Variants in SLC35F3 observed in about 807,000 individuals in gnomAD.
SLC35F3 encodes the protein solute carrier family 35 member F3.
A neutral mutation model predicts 49.9 loss-of-function variants in SLC35F3; 25 were observed. That is an observed-to-expected ratio of 0.50 (90% CI 0.37 to 0.70). SLC35F3 has a LOEUF of 0.70. SLC35F3 is among the 30% of genes least tolerant of loss of function. The pLI is 0.00. For missense variants in SLC35F3, 525 were observed against 639.8 expected (o/e 0.82, Z 1.94); for synonymous variants, 275 against 265.4 (o/e 1.04, Z -0.35).
intron 2 of SLC35F3, among the ~76,000 whole-genome samples, chr1:233,930,123 T>C (rs1232119558): frequency 6.7e-6 from 1 of 149,512 alleles, no homozygotes; most frequent in Non-Finnish European, 1.5e-5. Flanking sequence ...TACTCCAGCC[T>C]GGCTGCCAGA....
At chr1:234,089,359 G>A (rs1665007937) in intron 2 of SLC35F3, among the ~76,000 whole-genome samples, 1 of 152,186 alleles carries the variant, frequency 6.6e-6, no homozygotes, top group African/African-American at 2.4e-5. Flanking sequence ...TAGGAAAATG[G>A]AGAGAGAACC....
intron 1 of SLC35F3, 82 bp from the exon 2 acceptor site, chr1:233,905,447 G>A: frequency 9.3e-7 from 1 of 1,074,868 alleles, no homozygotes; most frequent in South Asian, 1.6e-5. Flanking sequence ...CTCTCGCCCT[G>A]GGATCTGCTC....
intron 2 of SLC35F3, among the ~76,000 whole-genome samples, chr1:233,952,936 A>G (rs1016797652): frequency 6.6e-6 from 1 of 152,104 alleles, no homozygotes; most frequent in Non-Finnish European, 1.5e-5. Flanking sequence ...GAGGGAGAAA[A>G]TATTGATTTT....
chr1:234,017,957 TG>T (rs998733454), intron 2 of SLC35F3, among the ~76,000 whole-genome samples: 33 of 151,508 alleles, frequency 2.2e-4, no homozygotes, highest in Non-Finnish European at 2.9e-5. Flanking sequence ...CCACTCAATT[TG>T]GGGGGTGTTT....
rs34405897 is a variant in SLC35F3 at position 234,286,125 on chromosome 1, GT to G, written c.609-22972del. On this transcript the variant is annotated intron_variant, in intron 3 of 7. Transcript: ENST00000366618. ...GGATCCCAAAAGGTCTGATAATAAC[GT>G]TTTAAGATAGGTGTTATTATCTCCA... Among the ~76,000 whole-genome samples, 581 of 152,286 alleles carry G rather than the reference GT, an allele frequency of 3.8e-3. 8 individuals carry two copies. The highest frequency in any genetic ancestry group is 0.014 in the African/African-American group (565 of 41,562).
intron 2 of SLC35F3, among the ~76,000 whole-genome samples, chr1:234,109,371 T>C (rs1263636139): frequency 6.6e-6 from 1 of 152,168 alleles, no homozygotes; most frequent in Non-Finnish European, 1.5e-5. Flanking sequence ...CAAGTGAAGA[T>C]GAGAGTCTCA....
At chr1:234,227,948 T>A (rs971892339) in intron 2 of SLC35F3, among the ~76,000 whole-genome samples, 1 of 152,210 alleles carries the variant, frequency 6.6e-6, no homozygotes, top group Non-Finnish European at 1.5e-5. Context: ...TTTGTTGCAT[T>A]TCCAATAGTA....
chr1:234,157,245 T>C (rs2102911657), intron 2 of SLC35F3, among the ~76,000 whole-genome samples: 1 of 152,324 alleles, frequency 6.6e-6, no homozygotes, highest in East Asian at 1.9e-4. Context: ...CATCTCATCC[T>C]TAGATTATTG....
chr1:234,087,334 A>G (rs973655147), intron 2 of SLC35F3, among the ~76,000 whole-genome samples: 3 of 152,204 alleles, frequency 2.0e-5, no homozygotes, highest in Admixed American at 1.3e-4. Context: ...CTGGTGGTGT[A>G]TCTGTTAGGT....
intron 2 of SLC35F3, among the ~76,000 whole-genome samples, chr1:234,141,662 T>C (rs1419535894): frequency 6.6e-6 from 1 of 152,226 alleles, no homozygotes; most frequent in African/African-American, 2.4e-5. Context: ...CCTGGTCTAC[T>C]CAGCCCACCA....
At chr1:234,118,885 CTT>C (rs60469123) in intron 2 of SLC35F3, among the ~76,000 whole-genome samples, 7 of 143,472 alleles carry the variant, frequency 4.9e-5, no homozygotes, top group Admixed American at 6.9e-5. Flanking sequence ...TTTTTCTTTT[CTT>C]TTTTTTTTTT....
intron 2 of SLC35F3, among the ~76,000 whole-genome samples, chr1:234,117,932 G>GTATATATATATA (rs1373405963): frequency 0.03 from 1,534 of 51,536 alleles, 150 homozygotes; most frequent in East Asian, 0.22. Context: ...GTGTGTGTGT[G>GTATATATATATA]TGTGTGTGTG....
At chr1:233,973,984 T>A (rs988935374) in intron 2 of SLC35F3, among the ~76,000 whole-genome samples, 2 of 152,058 alleles carry the variant, frequency 1.3e-5, no homozygotes, top group African/African-American at 4.8e-5. Context: ...TCATACTGAT[T>A]TTTGATTATT....
At chr1:234,079,360 G>A (rs1020876220) in intron 2 of SLC35F3, among the ~76,000 whole-genome samples, 16 of 151,988 alleles carry the variant, frequency 1.1e-4, no homozygotes, top group African/African-American at 3.4e-4. Flanking sequence ...GAAAACATAG[G>A]AGTAAATATT....
intron 2 of SLC35F3, among the ~76,000 whole-genome samples, chr1:234,110,113 T>TGAG (rs71170461): frequency 0.66 from 99,593 of 151,536 alleles, 32,943 homozygotes; most frequent in East Asian, 0.83. Flanking sequence ...GCTAGAGAAT[T>TGAG]GAGAAGGTGG....
intron 3 of SLC35F3, among the ~76,000 whole-genome samples, chr1:234,279,616 C>A (rs570039455): frequency 6.6e-6 from 1 of 152,242 alleles, no homozygotes; most frequent in Non-Finnish European, 1.5e-5. Flanking sequence ...AGTGGAGAAC[C>A]TCACTGAAAT....
intron 2 of SLC35F3, among the ~76,000 whole-genome samples, chr1:233,973,129 G>C (rs1361609869): frequency 6.6e-6 from 1 of 152,240 alleles, no homozygotes; most frequent in Non-Finnish European, 1.5e-5. Flanking sequence ...ACATCTGCAG[G>C]GTGCATTAGT....
intron 2 of SLC35F3, among the ~76,000 whole-genome samples, chr1:234,125,245 G>A (rs181290017): frequency 6.6e-6 from 1 of 152,136 alleles, no homozygotes; most frequent in Non-Finnish European, 1.5e-5. Context: ...GCTTGTATCA[G>A]CCAAATTGCC....
intron 2 of SLC35F3, among the ~76,000 whole-genome samples, chr1:234,204,209 T>C (rs1291008946): frequency 1.3e-5 from 2 of 151,878 alleles, no homozygotes; most frequent in Non-Finnish European, 2.9e-5. Flanking sequence ...GTTTATTTTT[T>C]AGAAAAAAAA....
Sources: allele counts gnomAD v4.1 joint callset (sites outside exome capture counted in the v4.1 genomes callset), GRCh38; gene constraint gnomAD v4.1.1; transcripts MANE v1.5; gene names NCBI Gene and HGNC (gene_info 2026-07-23, HGNC 2026-07-21).